The following TAFA1 variants were observed in gnomAD, a reference collection of about 807,000 sequenced individuals.
The protein encoded by TAFA1 is TAFA chemokine like family member 1.
A neutral mutation model predicts 18.5 loss-of-function variants in TAFA1; 4 were observed. The ratio of observed to expected loss-of-function variants is 0.22; its 90% CI spans 0.11 to 0.49. The LOEUF (loss-of-function observed/expected upper bound fraction) is 0.49. Ranked by LOEUF, TAFA1 falls within the 20% of genes least tolerant of loss-of-function variation. TAFA1 has a pLI of 0.98. For synonymous variants in TAFA1, 56 were observed against 55.2 expected (o/e 1.01, Z -0.06); for missense variants, 147 against 169.0 (o/e 0.87, Z 0.72).
intron 3 of TAFA1, among the ~76,000 whole-genome samples, chr3:68,478,148 A>G (rs2072140563): frequency 6.6e-6 from 1 of 152,224 alleles, no homozygotes; most frequent in Non-Finnish European, 1.5e-5. Context: ...CTCATAGGTA[A>G]CAGCAGCAGC....
chr3:68,431,147 T>C (rs1215403652), intron 3 of TAFA1, among the ~76,000 whole-genome samples: 1 of 151,946 alleles, frequency 6.6e-6, no homozygotes, highest in African/African-American at 2.4e-5. Context: ...CAGCCTTCCA[T>C]GAAATCTGGG....
chr3:68,412,506 C>T (rs1025368266), intron 2 of TAFA1, among the ~76,000 whole-genome samples: 3 of 152,112 alleles, frequency 2.0e-5, no homozygotes, highest in Admixed American at 2.0e-4. Flanking sequence ...AGGTATATTT[C>T]CTAAGGCTAT....
At chr3:68,308,456 G>A (rs72626946) in intron 2 of TAFA1, among the ~76,000 whole-genome samples, 3,933 of 152,182 alleles carry the variant, frequency 0.026, 90 homozygotes, top group East Asian at 0.098. Flanking sequence ...ACCCAGAATA[G>A]ATGGCTTAGT....
intron 3 of TAFA1, among the ~76,000 whole-genome samples, chr3:68,488,284 C>T (rs956213312): frequency 4.6e-5 from 7 of 152,268 alleles, no homozygotes; most frequent in Non-Finnish European, 8.8e-5. Flanking sequence ...GGGAGAAAGA[C>T]GTAGGCCAGA....
At chr3:68,157,144 C>CTAT (rs578187900) in intron 2 of TAFA1, among the ~76,000 whole-genome samples, 1 of 152,134 alleles carries the variant, frequency 6.6e-6, no homozygotes, top group East Asian at 1.9e-4. Flanking sequence ...GCTGGGAAAG[C>CTAT]TATTATTATT....
intron 3 of TAFA1, among the ~76,000 whole-genome samples, chr3:68,510,578 C>A (rs914004142): frequency 6.6e-6 from 1 of 152,084 alleles, no homozygotes; most frequent in Admixed American, 6.6e-5. Context: ...GTCTCGGCTG[C>A]CTATGTAGCC....
At chr3:68,119,844 T>C (rs1027920926) in intron 2 of TAFA1, among the ~76,000 whole-genome samples, 1 of 152,238 alleles carries the variant, frequency 6.6e-6, no homozygotes, top group African/African-American at 2.4e-5. Context: ...CAAGATTGTT[T>C]TGGCTATTTG....
At chr3:68,035,744 C>G (rs924659430) in intron 2 of TAFA1, among the ~76,000 whole-genome samples, 1 of 152,088 alleles carries the variant, frequency 6.6e-6, no homozygotes, top group Non-Finnish European at 1.5e-5. Context: ...TTGATAGAAG[C>G]GCTATTCAAT....
At chr3:68,149,025 T>C (rs923124426) in intron 2 of TAFA1, among the ~76,000 whole-genome samples, 13 of 152,214 alleles carry the variant, frequency 8.5e-5, no homozygotes, top group Non-Finnish European at 1.0e-4. Flanking sequence ...TATTATTATG[T>C]CTACTACTGA....
At chr3:68,277,008 T>G (rs1426087959) in intron 2 of TAFA1, among the ~76,000 whole-genome samples, 4 of 152,302 alleles carry the variant, frequency 2.6e-5, no homozygotes, top group South Asian at 4.1e-4. Flanking sequence ...AATTGAGAGA[T>G]AAGTATGTAC....
At chr3:68,248,195 A>T (rs902504165) in intron 2 of TAFA1, among the ~76,000 whole-genome samples, 1 of 152,190 alleles carries the variant, frequency 6.6e-6, no homozygotes, top group Non-Finnish European at 1.5e-5. Context: ...AACACTAAAA[A>T]TATTCATCGT....
chr3:68,184,105 A>G (rs921952222), intron 2 of TAFA1, among the ~76,000 whole-genome samples: 6 of 151,830 alleles, frequency 4.0e-5, no homozygotes, highest in Non-Finnish European at 8.8e-5. Context: ...GACACTTTAC[A>G]TTCATATGCC....
chr3:68,232,260 T>C (rs964460502), intron 2 of TAFA1, among the ~76,000 whole-genome samples: 1 of 152,182 alleles, frequency 6.6e-6, no homozygotes, highest in African/African-American at 2.4e-5. Context: ...AATTCTACTC[T>C]CTACTTTTAT....
chr3:68,329,422 C>T (rs1265269009), intron 2 of TAFA1, among the ~76,000 whole-genome samples: 1 of 151,872 alleles, frequency 6.6e-6, no homozygotes. Context: ...TTTCCAAAGA[C>T]TGCCCCTCAA....
intron 2 of TAFA1, among the ~76,000 whole-genome samples, chr3:68,010,736 C>G (rs1387293666): frequency 6.6e-6 from 1 of 152,108 alleles, no homozygotes; most frequent in Non-Finnish European, 1.5e-5. Context: ...GTAAAATGTG[C>G]TGTAGATTAA....
chr3:68,432,373 T>C (rs908935431), intron 3 of TAFA1, among the ~76,000 whole-genome samples: 3 of 152,170 alleles, frequency 2.0e-5, no homozygotes, highest in South Asian at 4.1e-4. Context: ...AAATGCGTAA[T>C]CCAATCTCCA....
chr3:68,216,410 G>A (rs538487540), intron 2 of TAFA1, among the ~76,000 whole-genome samples: 1 of 152,160 alleles, frequency 6.6e-6, no homozygotes, highest in African/African-American at 2.4e-5. Flanking sequence ...CTTCACTGAA[G>A]GCAGTGGGGG....
chr3:68,529,165 G>T (rs535667009), intron 3 of TAFA1, among the ~76,000 whole-genome samples: 4 of 152,052 alleles, frequency 2.6e-5, no homozygotes, highest in East Asian at 3.9e-4. Flanking sequence ...GATGAGTCCA[G>T]TGTGATTGGA....
chr3:68,132,647 T>C (rs959623254), intron 2 of TAFA1, among the ~76,000 whole-genome samples: 4 of 152,236 alleles, frequency 2.6e-5, no homozygotes, highest in African/African-American at 4.8e-5. Context: ...CTTTTTTTCA[T>C]ATATTTGTTG....
Sources: allele counts gnomAD v4.1 joint callset (sites outside exome capture counted in the v4.1 genomes callset), GRCh38; gene constraint gnomAD v4.1.1; transcripts MANE v1.5; gene names NCBI Gene and HGNC (gene_info 2026-07-23, HGNC 2026-07-21).